RGS22: variants seen among roughly 807,000 people sequenced by gnomAD.
The protein encoded by RGS22 is regulator of G protein signaling 22.
A neutral mutation model predicts 172.9 loss-of-function variants in RGS22; 148 were observed. The observed-to-expected ratio is 0.86, with a 90% CI of 0.75 to 0.98. The LOEUF (loss-of-function observed/expected upper bound fraction) is 0.98, where lower values mean the gene tolerates loss of function less well. Among genes scored for constraint, RGS22 ranks in the 50% least tolerant of loss-of-function variants. RGS22 has a pLI of 0.00. For synonymous variants in RGS22, 458 were observed against 480.2 expected (o/e 0.95, Z 0.60); for missense variants, 1,347 against 1,440.8 (o/e 0.93, Z 1.05).
At position 100,004,031 on chromosome 8, in the gene RGS22, C is replaced by T; in HGVS notation, c.2522G>A (p.Trp841Ter). 6.2e-7 allele frequency: 1 copy of T among 1,612,128 alleles called. No individual in the cohort carries two copies. Among genetic ancestry groups the T allele is most frequent in the African/African-American group, 1.3e-5 (1 of 74,970 alleles). ...LSNVSKRTEY[W>*]DNVPAEYKHF... Reference sequence around the variant, plus strand: ...CTTGTATTCTGCAGGAACATTATCCCAATATTCTGTTCGTTTAGAGACGTT... The same window carrying T: ...CTTGTATTCTGCAGGAACATTATCCTAATATTCTGTTCGTTTAGAGACGTT... Residue 841 changes from tryptophan (W) to a stop codon, truncating the protein, a stop_gained, in exon 17 of 28, where the codon TGG becomes TAG. Coordinates refer to ENST00000360863, the MANE Select transcript of RGS22 (RefSeq NM_015668.5). LOFTEE classifies it high-confidence loss of function.
intron 14 of RGS22, among the ~76,000 whole-genome samples, chr8:100,021,968 ACAAG>A: frequency 6.6e-6 from 1 of 152,330 alleles, no homozygotes; most frequent in South Asian, 2.1e-4. Context: ...AAAGAAAATA[ACAAG>A]CAAGTTCAAG....
At chr8:100,098,745 TTCTC>T (rs1432216226) in intron 2 of RGS22, among the ~76,000 whole-genome samples, 2 of 151,952 alleles carry the variant, frequency 1.3e-5, no homozygotes, top group South Asian at 2.1e-4. Flanking sequence ...TTCCCTTTCC[TTCTC>T]TCTGTCTCTC....
chr8:100,086,510 G>A (rs1246945951), intron 3 of RGS22, among the ~76,000 whole-genome samples: 1 of 151,878 alleles, frequency 6.6e-6, no homozygotes, highest in East Asian at 1.9e-4. Flanking sequence ...ACTAAACATC[G>A]AGTGCTCATG....
chr8:100,027,097 T>C (rs561106886), intron 14 of RGS22, among the ~76,000 whole-genome samples: 1 of 152,188 alleles, frequency 6.6e-6, no homozygotes, highest in African/African-American at 2.4e-5. Context: ...GGTGTGTCTG[T>C]AGTTTCAGCT....
At chr8:100,097,308 A>G (rs1813054208) in intron 2 of RGS22, among the ~76,000 whole-genome samples, 1 of 152,246 alleles carries the variant, frequency 6.6e-6, no homozygotes, top group Non-Finnish European at 1.5e-5. Flanking sequence ...ATTTCAGTGT[A>G]TAAATTGTGC....
At chr8:99,966,611 C>T (rs1171850925) in intron 23 of RGS22, among the ~76,000 whole-genome samples, 3 of 152,058 alleles carry the variant, frequency 2.0e-5, no homozygotes, top group Admixed American at 2.0e-4. Flanking sequence ...ACAGAAACTT[C>T]CCCAAAGAGG....
chr8:100,072,945 T>A (rs925720583), intron 4 of RGS22, among the ~76,000 whole-genome samples: 1 of 152,106 alleles, frequency 6.6e-6, no homozygotes, highest in Non-Finnish European at 1.5e-5. Context: ...GTAGAAAGGG[T>A]CATGATTGCA....
chr8:99,969,983 TA>T (rs1811165284), intron 23 of RGS22, among the ~76,000 whole-genome samples: 1 of 152,136 alleles, frequency 6.6e-6, no homozygotes, highest in Admixed American at 6.5e-5. Flanking sequence ...TAATTGGAAG[TA>T]AAACACTCCT....
rs975492388 is a variant in RGS22, at chr8:100,105,941, C to G, written c.-20G>C. On this transcript the variant is annotated 5_prime_UTR_variant, in exon 1 of 28. Coordinates refer to ENST00000360863, the MANE Select transcript of RGS22 (RefSeq NM_015668.5). ...GGGCATGCCGTCCCCGCTGCCCGCGCCTGGAGCCCGCGCGGGCCGTCAGGG... is the reference window on the plus strand; with the variant it reads ...GGGCATGCCGTCCCCGCTGCCCGCGGCTGGAGCCCGCGCGGGCCGTCAGGG... 2.0e-6 allele frequency: 3 copies of G among 1,467,230 alleles called. No homozygotes were observed. In the African/African-American group the frequency reaches 4.5e-5, roughly 22 times the overall value. 90.9% of individuals were successfully genotyped at this position (1,467,230 alleles called of 1,614,324 possible).
intron 22 of RGS22, 77 bp downstream of exon 22, chr8:99,981,846 GCCACCACGCCTGGC>G: frequency 8.5e-7 from 1 of 1,181,744 alleles, no homozygotes; most frequent in South Asian, 1.7e-5. Context: ...ACAGGCGTGA[GCCACCACGCCTGGC>G]CCAAAAGGAT....
intron 9 of RGS22, among the ~76,000 whole-genome samples, chr8:100,062,021 A>G (rs1810175768): frequency 6.6e-6 from 1 of 152,246 alleles, no homozygotes; most frequent in African/African-American, 2.4e-5. Flanking sequence ...ACTGGAGGCC[A>G]TTATCCTCAG....
In RGS22 at chr8:99,977,939, A is replaced by G; in HGVS notation, c.3497T>C (p.Leu1166Pro). ...YNKQKKKLAV[L>P]EDEKSGKDGI... ...CACCTTTCCAGATTTTTCGTCTTCT[A>G]GGACTGCCAATTTTTTTTTCTGCTT... Residue 1166 changes from leucine to proline, a missense_variant, in exon 23 of 28, where the codon CTA becomes CCA. Leu to Pro is a moderately conservative substitution (Grantham distance 98). Coordinates refer to ENST00000360863, the MANE Select transcript of RGS22 (RefSeq NM_015668.5). The G allele has an allele frequency of 6.4e-7, 1 of 1,566,016 alleles. No homozygotes were observed. The highest frequency in any genetic ancestry group is 1.2e-5 in the South Asian group (1 of 80,494).
chr8:100,021,104 T>A (rs1230352680), intron 14 of RGS22, among the ~76,000 whole-genome samples: 1 of 152,174 alleles, frequency 6.6e-6, no homozygotes, highest in Admixed American at 6.5e-5. Context: ...TCATGATCAC[T>A]AAAGAAAGAG....
intron 3 of RGS22, among the ~76,000 whole-genome samples, chr8:100,089,458 A>C (rs1812405003): frequency 6.6e-6 from 1 of 152,106 alleles, no homozygotes; most frequent in South Asian, 2.1e-4. Flanking sequence ...AAATATTTGA[A>C]AGGGACTACT....
chr8:100,070,426 T>C (rs139962205), intron 6 of RGS22, among the ~76,000 whole-genome samples: 1,840 of 152,278 alleles, frequency 0.012, 32 homozygotes, highest in African/African-American at 0.038. Context: ...CAAGGGACAA[T>C]GGTGTGACCA....
chr8:100,071,681 G>A (rs915165985), intron 5 of RGS22, 144 bp from the exon 6 acceptor site: 5 of 532,920 alleles, frequency 9.4e-6, no homozygotes, highest in Non-Finnish European at 1.6e-5. Flanking sequence ...AAAATTAATA[G>A]CTTATTCATA....
Position 100,041,906 on chromosome 8 carries a change from T to C in RGS22, c.1834A>G (p.Met612Val), listed in dbSNP as rs1233574964. The C allele has an allele frequency of 5.0e-6, 8 of 1,605,906 alleles. No homozygotes were observed. The Admixed American group carries it at 5.0e-5, about 10-fold the overall frequency. The change falls in exon 12 of 28, where the codon ATG becomes GTG. Residue 612 changes from methionine to valine, a missense_variant. Coordinates refer to ENST00000360863, the MANE Select transcript of RGS22 (RefSeq NM_015668.5). ...TGAATGACTTTGCTGCTTTCTGACA[T>C]GTACTTTGACCTAAATTATAAGGAT... is the stretch of plus-strand genomic sequence containing the variant. ...DDVIEKGSKY[M>V]SESSKVIHLT...
At chr8:100,007,578 T>C (rs1303858932) in intron 15 of RGS22, among the ~76,000 whole-genome samples, 1 of 152,124 alleles carries the variant, frequency 6.6e-6, no homozygotes, top group African/African-American at 2.4e-5. Flanking sequence ...AGGTGTAATA[T>C]TAACTGAAAC....
chr8:100,038,909 A>C, intron 14 of RGS22, 22 bp downstream of exon 14: 5 of 1,501,498 alleles, frequency 3.3e-6, no homozygotes, highest in Non-Finnish European at 3.7e-6. Context: ...TTCACATTGA[A>C]CCAATATTAT....
Sources: allele counts gnomAD v4.1 joint callset (sites outside exome capture counted in the v4.1 genomes callset), GRCh38; gene constraint gnomAD v4.1.1; transcripts MANE v1.5; gene names NCBI Gene and HGNC (gene_info 2026-07-23, HGNC 2026-07-21).